SLC22A7: variants seen among roughly 807,000 people sequenced by gnomAD.
The protein encoded by SLC22A7 is hOAT2.
A neutral mutation model predicts 62.2 loss-of-function variants in SLC22A7; 48 were observed. The ratio of observed to expected loss-of-function variants is 0.77; its 90% CI spans 0.61 to 0.98. The LOEUF (loss-of-function observed/expected upper bound fraction) is 0.98, where lower values mean the gene tolerates loss of function less well. SLC22A7 is among the 50% of genes least tolerant of loss of function. SLC22A7 has a pLI of 0.00. For synonymous variants in SLC22A7, 276 were observed against 314.8 expected (o/e 0.88, Z 1.30); for missense variants, 581 against 703.8 (o/e 0.83, Z 1.97).
intron 6 of SLC22A7, 132 bp from the exon 7 acceptor site, chr6:43,301,451 C>T (rs1778744504): frequency 2.9e-6 from 3 of 1,027,768 alleles, no homozygotes; most frequent in Non-Finnish European, 4.4e-6. Flanking sequence ...CCACTCGTCT[C>T]AGCTGCCATG....
rs1429856782 is a variant in SLC22A7, at chr6:43,302,786, T to C, written c.1385+23T>C. On this transcript the variant is annotated intron_variant, in intron 9 of 10. Transcript: ENST00000372585. The surrounding 1 kb of genome is among the most constrained non-coding windows in gnomAD (Gnocchi z 5.0). ...CAGGTGAGGAAGCCTGCAACTGATC[T>C]GGGGGTATGGGGCTTGTTAGTCACG... is the stretch of plus-strand genomic sequence containing the variant. 1.4e-6 allele frequency: 2 copies of C among 1,478,794 alleles called. No individual in the cohort carries two copies. Among genetic ancestry groups the C allele is most frequent in the East Asian group, 4.6e-5 (2 of 43,866 alleles). 91.6% of individuals were successfully genotyped at this position (1,478,794 alleles called of 1,614,324 possible).
Position 43,302,290 on chromosome 6 carries a change from T to C in SLC22A7, c.1152T>C (p.Ala384=). The C allele has an allele frequency of 1.2e-6, 2 of 1,613,908 alleles. No homozygotes were observed. The highest frequency in any genetic ancestry group is 1.7e-6 in the Non-Finnish European group (2 of 1,179,922). ...NVYQTQLLFG[A]VELPSKLLVY... is the part of the protein sequence containing the mutation. Reference sequence around the variant, plus strand: ...ACCAGACACAGCTGTTGTTCGGGGCTGTGGAACTGCCCTCCAAGCTGCTGG... The same window carrying C: ...ACCAGACACAGCTGTTGTTCGGGGCCGTGGAACTGCCCTCCAAGCTGCTGG... The change falls in exon 8 of 11, where the codon GCT becomes GCC. Residue 384 remains alanine, a synonymous_variant. Transcript: ENST00000372585. The surrounding 1 kb of genome is among the most constrained non-coding windows in gnomAD (Gnocchi z 5.0).
chr6:43,298,333 C>T lies in SLC22A7; in HGVS notation c.-26C>T, dbSNP rs1200928309. The T allele has an allele frequency of 3.2e-6, 5 of 1,587,262 alleles. No homozygotes were observed. Among genetic ancestry groups the T allele is most frequent in the South Asian group, 1.2e-5 (1 of 86,610 alleles). On this transcript the variant is annotated 5_prime_UTR_variant, in exon 1 of 11. Coordinates refer to ENST00000372585, the MANE Select transcript of SLC22A7 (RefSeq NM_153320.2). ...GGCTGGATACTAGAGGGAGGCTGCA[C>T]CTGAAGCATTTGGTGGGTGAGCAGC... is the stretch of plus-strand genomic sequence containing the variant.
rs769016566 is a variant in SLC22A7 at position 43,304,199 on chromosome 6, G to A, written c.1547G>A (p.Arg516Lys). Residue 516 changes from arginine to lysine, a missense_variant, in exon 10 of 11, where the codon AGG (arginine) becomes AAG (lysine). By Grantham distance (26) the Arg-to-Lys change is conservative. Transcript: ENST00000372585. ...ACCGCCCTCCTGCTGCCAGAGACGAGGCAGGCACAGCTGCCAGAGACCATC... is the reference window on the plus strand; with the variant it reads ...ACCGCCCTCCTGCTGCCAGAGACGAAGCAGGCACAGCTGCCAGAGACCATC... ...AGTALLLPETRQAQLPETIQD... is the reference protein window; with the variant it reads ...AGTALLLPETKQAQLPETIQD... 8 of 1,590,272 alleles carry A rather than the reference G, an allele frequency of 5.0e-6. No homozygotes were observed. In the African/African-American group the frequency reaches 5.4e-5, roughly 11 times the overall value.
chr6:43,302,395 T>C lies in SLC22A7; in HGVS notation c.1257T>C (p.Thr419=). The C allele has an allele frequency of 1.9e-6, 3 of 1,601,098 alleles. No homozygotes were observed. The highest frequency in any genetic ancestry group is 1.7e-5 in the Admixed American group (1 of 58,152). ...TLLGTALAFG[T]RLLVSSDMKS... ...TGGGCACGGCCCTGGCGTTCGGCACTAGACTGCTAGTGTCCTCCGGTGAGC... is the reference window on the plus strand; with the variant it reads ...TGGGCACGGCCCTGGCGTTCGGCACCAGACTGCTAGTGTCCTCCGGTGAGC... The change falls in exon 8 of 11, where the codon ACT becomes ACC. Residue 419 remains threonine, a synonymous_variant. Coordinates refer to ENST00000372585, the MANE Select transcript of SLC22A7 (RefSeq NM_153320.2). The surrounding 1 kb of genome is among the most constrained non-coding windows in gnomAD (Gnocchi z 5.0).
Position 43,300,983 on chromosome 6 carries a change from A to G in SLC22A7, c.828-152A>G, listed in dbSNP as rs1778721083. 3.2e-6 allele frequency: 3 copies of G among 951,970 alleles called. No homozygotes were observed. In the South Asian group the frequency reaches 4.9e-5, roughly 15 times the overall value. 59.0% of individuals were successfully genotyped at this position (951,970 alleles called of 1,614,324 possible). On this transcript the variant is annotated intron_variant, in intron 5 of 10. Transcript: ENST00000372585. ...GGCATTAAAAGATGAATAAGAGCTCATCAAGTGTGGAGGGCTTGGGGAGGA... is the reference window on the plus strand; with the variant it reads ...GGCATTAAAAGATGAATAAGAGCTCGTCAAGTGTGGAGGGCTTGGGGAGGA...
chr6:43,304,195 A>G lies in SLC22A7; in HGVS notation c.1543A>G (p.Thr515Ala). ...CGGCACCGCCCTCCTGCTGCCAGAG[A>G]CGAGGCAGGCACAGCTGCCAGAGAC... ...AAGTALLLPE[T>A]RQAQLPETIQ... Residue 515 changes from threonine (T) to alanine (A), a missense_variant, in exon 10 of 11, where the codon ACG becomes GCG. Coordinates refer to ENST00000372585, the MANE Select transcript of SLC22A7 (RefSeq NM_153320.2). 1 of 1,593,164 alleles carries G rather than the reference A, an allele frequency of 6.3e-7. No homozygotes were observed. Among genetic ancestry groups the G allele is most frequent in the Non-Finnish European group, 8.6e-7 (1 of 1,168,156 alleles).
Position 43,298,642 on chromosome 6 carries a change from G to A in SLC22A7, c.284G>A (p.Gly95Glu), listed in dbSNP as rs756045941. ...CAGGCTCTCCCCAACACCACGTTGG[G>A]GGAAGAAAGGCAGAGCCGTGGGGAG... ...YPQALPNTTLGEERQSRGELE... is the reference protein window; with the variant it reads ...YPQALPNTTLEEERQSRGELE... The change falls in exon 1 of 11, where the codon GGG (glycine) becomes GAG (glutamate). Residue 95 changes from glycine to glutamate, a missense_variant. By Grantham distance (98) the Gly-to-Glu change is moderately conservative. Transcript: ENST00000372585. The A allele has an allele frequency of 1.9e-6, 3 of 1,587,490 alleles. No individual in the cohort carries two copies. The highest frequency in any genetic ancestry group is 1.7e-4 in the Middle Eastern group (1 of 5,922).
chr6:43,303,651 G>A (rs1778838202), intron 9 of SLC22A7, among the ~76,000 whole-genome samples: 1 of 152,040 alleles, frequency 6.6e-6, no homozygotes, highest in Non-Finnish European at 1.5e-5. Context: ...ACTGAGAGGT[G>A]GGAAGAGGAA....
At chr6:43,298,104 G>A (rs903711376), upstream of SLC22A7, 1 of 479,350 alleles carries the variant, frequency 2.1e-6, no homozygotes, top group Non-Finnish European at 3.7e-6. Flanking sequence ...AAGCCCCAGA[G>A]CCACGAGCCA....
At position 43,298,630 on chromosome 6, in the gene SLC22A7, A is replaced by C. The variant is rs536371304; in HGVS notation, c.272A>C (p.Asn91Thr). The C allele has an allele frequency of 6.3e-7, 1 of 1,595,786 alleles. No homozygotes were observed. The highest frequency in any genetic ancestry group is 1.1e-5 in the South Asian group (1 of 88,074). The change falls in exon 1 of 11, where the codon AAC (asparagine) becomes ACC (threonine). Residue 91 changes from asparagine (N) to threonine (T), a missense_variant. By Grantham distance (65) the Asn-to-Thr change is moderately conservative. Transcript: ENST00000372585. ...LRFAYPQALPNTTLGEERQSR... is the reference protein window; with the variant it reads ...LRFAYPQALPTTTLGEERQSR... ...TTTGCCTATCCCCAGGCTCTCCCCA[A>C]CACCACGTTGGGGGAAGAAAGGCAG...
intron 6 of SLC22A7, 46 bp from the exon 7 acceptor site, chr6:43,301,537 C>G (rs1382938907): frequency 3.4e-6 from 5 of 1,466,198 alleles, no homozygotes; most frequent in Non-Finnish European, 4.8e-6. Flanking sequence ...CCATTGAGAT[C>G]ACATAGCCAA....
In SLC22A7 at chr6:43,304,784, G is replaced by T; in HGVS notation, c.*59G>T. 7.2e-7 allele frequency: 1 copy of T among 1,380,806 alleles called. No homozygotes were observed. Among genetic ancestry groups the T allele is most frequent in the South Asian group, 1.4e-5 (1 of 70,224 alleles). 85.5% of individuals were successfully genotyped at this position (1,380,806 alleles called of 1,614,324 possible). On this transcript the variant is annotated 3_prime_UTR_variant, in exon 11 of 11. Transcript: ENST00000372585. ...TGCAGCAGGGGCTGGGAGAGCAGAA[G>T]GGCAGGCCCTGCAACTCAGGCTGGG...
chr6:43,299,678 G>A lies in SLC22A7; in HGVS notation c.555G>A (p.Leu185=). 1 of 1,614,208 alleles carries A rather than the reference G, an allele frequency of 6.2e-7. No individual in the cohort carries two copies. Among genetic ancestry groups the A allele is most frequent in the Non-Finnish European group, 8.5e-7 (1 of 1,180,034 alleles). ...LLVAYVSTLV[L]GLASAASVSY... ...TAGCCTACGTGAGTACCCTGGTGCT[G>A]GGCCTGGCATCTGCAGCCTCCGTCA... The change falls in exon 4 of 11, where the codon CTG becomes CTA. Residue 185 remains leucine, a synonymous_variant. Transcript: ENST00000372585. This position sits in a 1 kb window ranked among gnomAD's most constrained non-coding sequence, Gnocchi z 4.4.
rs373373705 is a variant in SLC22A7 at position 43,299,363 on chromosome 6, G to A, written c.400-27G>A. ...GCTGGAGAGGGGCTGATGTTCATAG[G>A]AGGTCCCTTTCTGCCTGTCCTTGCA... On this transcript the variant is annotated intron_variant, in intron 2 of 10. Transcript: ENST00000372585. This position sits in a 1 kb window ranked among gnomAD's most constrained non-coding sequence, Gnocchi z 4.4. 1 of 1,612,838 alleles carries A rather than the reference G, an allele frequency of 6.2e-7. No homozygotes were observed. The highest frequency in any genetic ancestry group is 1.3e-5 in the African/African-American group (1 of 74,912).
upstream of SLC22A7, among the ~76,000 whole-genome samples, chr6:43,297,369 GC>G (rs1284229773): frequency 2.0e-5 from 3 of 152,326 alleles, no homozygotes; most frequent in African/African-American, 2.4e-5. Context: ...CAGTGGGTCT[GC>G]CAGCTAAGTG....
At chr6:43,303,499 T>TAAG (rs200261452) in intron 9 of SLC22A7, among the ~76,000 whole-genome samples, 8,346 of 151,162 alleles carry the variant, frequency 0.055, 401 homozygotes, top group African/African-American at 0.12. Flanking sequence ...ATAATAATAA[T>TAAG]AAGAAGAAGA....
In SLC22A7 at chr6:43,298,722, T is replaced by C; in HGVS notation, c.364T>C (p.Ser122Pro). The C allele has an allele frequency of 6.6e-7, 1 of 1,523,246 alleles. No homozygotes were observed. Among genetic ancestry groups the C allele is most frequent in the Non-Finnish European group, 8.8e-7 (1 of 1,136,550 alleles). The allele number at this position is 1,523,246 out of a possible 1,614,324, so 94.4% of individuals were successfully genotyped here. The change falls in exon 1 of 11, where the codon TCA (serine) becomes CCA (proline). Residue 122 changes from serine (S) to proline (P), a missense_variant. By Grantham distance (74) the Ser-to-Pro change is moderately conservative. Coordinates refer to ENST00000372585, the MANE Select transcript of SLC22A7 (RefSeq NM_153320.2). The part of the protein sequence containing the change: ...PCSQGWEYDH[S>P]EFSSTIATES... ...CTCTCAGGGCTGGGAGTACGACCAC[T>C]CAGAATTCTCCTCTACCATTGCAAC... is the stretch of plus-strand genomic sequence containing the variant.
At chr6:43,300,862 C>T (rs928195799) in intron 5 of SLC22A7, among the ~76,000 whole-genome samples, 4 of 152,162 alleles carry the variant, frequency 2.6e-5, no homozygotes, top group Admixed American at 6.5e-5. Flanking sequence ...ATCTTGAACT[C>T]CTGGGCTCAA....
Sources: gnomAD v4.1 joint callset for allele counts (sites outside exome capture counted in the v4.1 genomes callset) on GRCh38, gnomAD v4.1.1 for gene constraint, Gnocchi (gnomAD v3.1) non-coding constraint, MANE v1.5 for transcripts, NCBI Gene and HGNC (gene_info 2026-07-23, HGNC 2026-07-21) for gene names.